The following PWWP3B variants were observed in gnomAD, a reference collection of about 807,000 sequenced individuals.
PWWP3B encodes the protein PWWP domain-containing DNA repair factor 3B.
PWWP3B carries 5 observed loss-of-function variants against 15.7 expected under a neutral mutation model. The ratio of observed to expected loss-of-function variants is 0.32; its 90% CI spans 0.17 to 0.67. The LOEUF is 0.67. PWWP3B is among the 30% of genes least tolerant of loss of function. The pLI is 0.74. For synonymous variants in PWWP3B, 203 were observed against 179.8 expected, an observed-to-expected ratio of 1.13 and a Z score of -1.03; for missense variants, 519 against 493.1, an observed-to-expected ratio of 1.05 and a Z score of -0.50.
intron 2 of PWWP3B, among the ~76,000 whole-genome samples, chrX:106,183,370 T>C (rs1922321777): frequency 9.0e-6 from 1 of 111,604 alleles, no homozygotes; most frequent in African/African-American, 3.3e-5. Context: ...TTAAGGGATA[T>C]TGCTTTTGAT....
intron 2 of PWWP3B, among the ~76,000 whole-genome samples, chrX:106,190,628 G>T (rs1046008055): frequency 2.7e-5 from 3 of 111,768 alleles, no homozygotes; most frequent in Non-Finnish European, 5.6e-5. Flanking sequence ...CCATGCCTAT[G>T]TCCTGAATGA....
chrX:106,201,082 TA>T (rs1030027353), intron 2 of PWWP3B, among the ~76,000 whole-genome samples: 1 of 109,459 alleles, frequency 9.1e-6, no homozygotes, highest in African/African-American at 3.3e-5. Context: ...AAAATAAAAA[TA>T]AAAAAAGAAA....
chrX:106,192,272 G>A (rs1934534825), intron 2 of PWWP3B, among the ~76,000 whole-genome samples: 1 of 111,440 alleles, frequency 9.0e-6, no homozygotes, highest in Admixed American at 9.5e-5. Context: ...ACTCTTGGGG[G>A]GATGTATGTG....
At chrX:106,175,168 G>C (rs1921821243) in intron 2 of PWWP3B, among the ~76,000 whole-genome samples, 1 of 109,688 alleles carries the variant, frequency 9.1e-6, no homozygotes, top group Non-Finnish European at 1.9e-5. Flanking sequence ...GCTGAAGATG[G>C]TTGTAGTTCA....
intron 2 of PWWP3B, among the ~76,000 whole-genome samples, chrX:106,191,619 T>A (rs566302718): frequency 9.9e-5 from 11 of 111,443 alleles, no homozygotes; most frequent in Admixed American, 1.9e-4. Context: ...GTCTTGTGCC[T>A]GTTTTCAAAG....
At chrX:106,198,558 C>T (rs774183641) in intron 2 of PWWP3B, among the ~76,000 whole-genome samples, 2 of 111,435 alleles carry the variant, frequency 1.8e-5, no homozygotes, top group African/African-American at 3.3e-5. Flanking sequence ...TTGCCTGGCA[C>T]ATAGAAAACT....
chrX:106,194,786 T>C (rs1923268372), intron 2 of PWWP3B, among the ~76,000 whole-genome samples: 1 of 112,143 alleles, frequency 8.9e-6, no homozygotes, highest in African/African-American at 3.2e-5. Context: ...GCAGGTCTGT[T>C]GGAGTTTGCT....
rs748509712 is a variant in PWWP3B at position 106,206,056 on chromosome X, C to T, written c.624C>T (p.Asn208=). The T allele has an allele frequency of 7.4e-5, 89 of 1,208,841 alleles. No homozygotes were observed. Among genetic ancestry groups the T allele is most frequent in the Admixed American group, 5.0e-4 (23 of 45,642 alleles). ...CGGAAGATAATGATGAAAAAGAGAA[C>T]AAGAATAAGATTGATATCTCAGCAG... ...SLSEDNDEKE[N]KNKIDISAVM... The change falls in exon 4 of 4, where the codon AAC becomes AAT. Residue 208 remains asparagine (N), a synonymous_variant. Coordinates refer to ENST00000357175, the MANE Select transcript of PWWP3B (RefSeq NM_001171020.2).
chrX:106,182,786 C>T (rs971683637), intron 2 of PWWP3B, among the ~76,000 whole-genome samples: 3 of 111,235 alleles, frequency 2.7e-5, no homozygotes, highest in Non-Finnish European at 5.7e-5. Context: ...ATTACAAAAC[C>T]TGGACTGTTT....
chrX:106,181,581 C>A (rs1922204667), intron 2 of PWWP3B, among the ~76,000 whole-genome samples: 1 of 111,546 alleles, frequency 9.0e-6, no homozygotes, highest in Admixed American at 9.5e-5. Context: ...CCCCACTAGA[C>A]CTAGGAAGTC....
chrX:106,203,503 C>T (rs1289886546), intron 2 of PWWP3B, among the ~76,000 whole-genome samples: 6 of 111,784 alleles, frequency 5.4e-5, no homozygotes, highest in Admixed American at 2.9e-4. Context: ...TAAGAGGGCA[C>T]TAGACAGATT....
At chrX:106,202,895 T>G (rs1923785264) in intron 2 of PWWP3B, among the ~76,000 whole-genome samples, 2 of 111,957 alleles carry the variant, frequency 1.8e-5, no homozygotes, top group South Asian at 7.3e-4. Context: ...TCTATGAAAG[T>G]TTTAACAGGA....
At chrX:106,193,184 G>C (rs1344534141) in intron 2 of PWWP3B, among the ~76,000 whole-genome samples, 3 of 111,085 alleles carry the variant, frequency 2.7e-5, no homozygotes, top group Non-Finnish European at 5.7e-5. Context: ...AAGTCTCTTC[G>C]TAGGTCACTA....
At chrX:106,177,421 A>G (rs1418758305) in intron 2 of PWWP3B, 2 of 112,392 alleles carry the variant, frequency 1.8e-5, no homozygotes, top group African/African-American at 6.5e-5. Context: ...GTGTTAAAGT[A>G]AAAAAAAGGA....
Position 106,207,640 on chromosome X carries a change from C to T in PWWP3B, c.*117C>T. 1.4e-6 allele frequency: 1 copy of T among 723,339 alleles called. No individual in the cohort carries two copies. The highest frequency in any genetic ancestry group is 5.2e-4 in the Middle Eastern group (1 of 1,925). 59.6% of individuals were successfully genotyped at this position (723,339 alleles called of 1,213,427 possible). ...CAAATGGGAGCATGGATAATGTGTT[C>T]ACTTTTTTTTGAGATCTCTAGGATC... is the stretch of plus-strand genomic sequence containing the variant. On this transcript the variant is annotated 3_prime_UTR_variant, in exon 4 of 4. Coordinates refer to ENST00000357175, the MANE Select transcript of PWWP3B (RefSeq NM_001171020.2).
At chrX:106,204,698 T>C (rs1923889948) in intron 3 of PWWP3B, among the ~76,000 whole-genome samples, 1 of 112,283 alleles carries the variant, frequency 8.9e-6, no homozygotes, top group African/African-American at 3.2e-5. Flanking sequence ...AGAACATTGC[T>C]CCTCAAAGAG....
chrX:106,185,082 C>T (rs1016569279), intron 2 of PWWP3B, among the ~76,000 whole-genome samples: 1 of 111,880 alleles, frequency 8.9e-6, no homozygotes, highest in Non-Finnish European at 1.9e-5. Context: ...GTATTTCACT[C>T]CATTTGCCCT....
intron 2 of PWWP3B, among the ~76,000 whole-genome samples, chrX:106,195,881 G>A (rs1923347069): frequency 9.0e-6 from 1 of 111,598 alleles, no homozygotes; most frequent in Non-Finnish European, 1.9e-5. Context: ...ATGTTGGGGA[G>A]ATATAACATC....
chrX:106,189,752 G>A, intron 2 of PWWP3B, among the ~76,000 whole-genome samples: 1 of 108,765 alleles, frequency 9.2e-6, no homozygotes, highest in East Asian at 2.9e-4. Context: ...CGAGTAGCTG[G>A]GACTACAGGC....
Sources: gnomAD v4.1 joint callset for allele counts (sites outside exome capture counted in the v4.1 genomes callset) on GRCh38, gnomAD v4.1.1 for gene constraint, MANE v1.5 for transcripts, NCBI Gene and HGNC (gene_info 2026-07-23, HGNC 2026-07-21) for gene names.